SCFD2: variants seen among roughly 807,000 people sequenced by gnomAD.
SCFD2 encodes the protein sec1 family domain containing 2, also known as sec1 family domain-containing protein 2.
In SCFD2, 54 loss-of-function variants were observed where a neutral mutation model predicts 58.9. The observed-to-expected ratio is 0.92, with a 90% confidence interval of 0.74 to 1.15. The LOEUF (loss-of-function observed/expected upper bound fraction) is 1.15, where lower values mean the gene tolerates loss of function less well. SCFD2 is among the 50% of genes most tolerant of loss of function. SCFD2 has a pLI of 0.00. For missense variants in SCFD2, 805 were observed against 836.6 expected (o/e 0.96, Z 0.47); for synonymous variants, 321 against 335.9 (o/e 0.96, Z 0.49).
chr4:53,141,068 CCTAAAAGTATAATT>C (rs1242500039), intron 5 of SCFD2, among the ~76,000 whole-genome samples: 1 of 151,972 alleles, frequency 6.6e-6, no homozygotes, highest in Non-Finnish European at 1.5e-5. Flanking sequence ...ACATTGTAAT[CCTAAAAGTATAATT>C]CTGGAAAAAA....
chr4:53,046,481 T>C lies in SCFD2; in HGVS notation c.1561+98852A>G, dbSNP rs148078488. Among the ~76,000 whole-genome samples the C allele has an allele frequency of 2.1e-3, 325 of 152,154 alleles. 1 individual carries two copies. The highest frequency in any genetic ancestry group is 4.1e-3 in the Non-Finnish European group (282 of 67,982). On this transcript the variant is annotated intron_variant, in intron 5 of 8. Coordinates refer to ENST00000401642, the MANE Select transcript of SCFD2 (RefSeq NM_152540.4). Reference sequence around the variant, plus strand: ...CTATCTGCCTTGGCCTCCCAAAGTGTTGGAATTACAGGTGTGAGCCACTGC... The same window carrying C: ...CTATCTGCCTTGGCCTCCCAAAGTGCTGGAATTACAGGTGTGAGCCACTGC...
intron 4 of SCFD2, among the ~76,000 whole-genome samples, chr4:53,180,317 C>T (rs560250906): frequency 6.6e-6 from 1 of 152,244 alleles, no homozygotes; most frequent in East Asian, 1.9e-4. Flanking sequence ...GACCACAGTG[C>T]AATCAAACTA....
intron 8 of SCFD2, among the ~76,000 whole-genome samples, chr4:52,880,374 T>C (rs1180248741): frequency 1.3e-5 from 2 of 151,898 alleles, no homozygotes; most frequent in East Asian, 1.9e-4. Context: ...CCCAGCACTT[T>C]GGGAGGGCAA....
At chr4:53,193,208 T>C (rs1444486107) in intron 4 of SCFD2, among the ~76,000 whole-genome samples, 2 of 152,106 alleles carry the variant, frequency 1.3e-5, no homozygotes, top group Non-Finnish European at 1.5e-5. Context: ...AATTCATCTG[T>C]AAAGGAAACT....
At chr4:52,910,126 A>G (rs1027974767) in intron 6 of SCFD2, among the ~76,000 whole-genome samples, 1 of 152,284 alleles carries the variant, frequency 6.6e-6, no homozygotes, top group South Asian at 2.1e-4. Context: ...CTAAAAGACT[A>G]CATTCTCCAG....
At chr4:53,229,216 A>G (rs1483672497) in intron 4 of SCFD2, among the ~76,000 whole-genome samples, 1 of 152,228 alleles carries the variant, frequency 6.6e-6, no homozygotes, top group Non-Finnish European at 1.5e-5. Context: ...TACAGATTCA[A>G]TGCCATCCCC....
chr4:53,331,260 C>T (rs1323687112), intron 2 of SCFD2, among the ~76,000 whole-genome samples: 2 of 151,204 alleles, frequency 1.3e-5, no homozygotes, highest in African/African-American at 4.9e-5. Flanking sequence ...TAGACATCTA[C>T]AGAACTCTCC....
intron 2 of SCFD2, among the ~76,000 whole-genome samples, chr4:53,319,799 T>C (rs962166334): frequency 6.6e-6 from 1 of 152,216 alleles, no homozygotes; most frequent in East Asian, 1.9e-4. Context: ...CCCAAAGTGC[T>C]GGGATTACAG....
intron 5 of SCFD2, among the ~76,000 whole-genome samples, chr4:53,134,476 T>C (rs902140723): frequency 1.4e-4 from 21 of 152,090 alleles, no homozygotes; most frequent in African/African-American, 4.6e-4. Context: ...GAAGAAAAAA[T>C]TTAGAGAAGA....
intron 5 of SCFD2, among the ~76,000 whole-genome samples, chr4:53,101,293 G>A (rs1724826380): frequency 2.0e-5 from 3 of 152,064 alleles, no homozygotes; most frequent in Non-Finnish European, 4.4e-5. Context: ...GCTTCTCTCT[G>A]GTCCTGTTCC....
intron 2 of SCFD2, among the ~76,000 whole-genome samples, chr4:53,350,437 A>G (rs549792249): frequency 6.6e-6 from 1 of 152,162 alleles, no homozygotes. Flanking sequence ...TATTCCTAGA[A>G]CTATTTTGTC....
At chr4:53,273,167 G>A (rs6826467) in intron 4 of SCFD2, among the ~76,000 whole-genome samples, 17,330 of 152,010 alleles carry the variant, frequency 0.11, 1,110 homozygotes, top group East Asian at 0.22. Context: ...GAGTCTATGT[G>A]GAAAGTTTAC....
chr4:53,313,524 A>C, intron 3 of SCFD2, 112 bp downstream of exon 3: 1 of 1,234,724 alleles, frequency 8.1e-7, no homozygotes, highest in South Asian at 1.4e-5. Flanking sequence ...ACAGTATACA[A>C]AAGTCGTTAC....
At chr4:53,334,677 A>G (rs1335987672) in intron 2 of SCFD2, among the ~76,000 whole-genome samples, 1 of 151,958 alleles carries the variant, frequency 6.6e-6, no homozygotes, top group East Asian at 1.9e-4. Context: ...GGTGCAGCGC[A>G]CCAGCATGGC....
intron 8 of SCFD2, among the ~76,000 whole-genome samples, chr4:52,878,905 C>CTAAA (rs1718541509): frequency 6.6e-6 from 1 of 152,164 alleles, no homozygotes; most frequent in African/African-American, 2.4e-5. Context: ...TACATAGAAC[C>CTAAA]TAAACCTGGT....
chr4:52,887,352 G>A (rs530311221), intron 7 of SCFD2, among the ~76,000 whole-genome samples: 78 of 152,172 alleles, frequency 5.1e-4, no homozygotes, highest in Non-Finnish European at 9.7e-4. Flanking sequence ...TTTCATCAAC[G>A]AGGCAAAAAT....
intron 4 of SCFD2, among the ~76,000 whole-genome samples, chr4:53,266,352 C>T (rs1381836931): frequency 6.6e-6 from 1 of 152,090 alleles, no homozygotes; most frequent in East Asian, 1.9e-4. Context: ...TGTATTAATA[C>T]ACATATAGTC....
chr4:53,298,312 T>A (rs1347500886), intron 3 of SCFD2, among the ~76,000 whole-genome samples: 1 of 152,166 alleles, frequency 6.6e-6, no homozygotes, highest in African/African-American at 2.4e-5. Flanking sequence ...GGCACCTGGC[T>A]CAGAGGGTCC....
At chr4:52,939,772 A>C (rs139509693) in intron 5 of SCFD2, among the ~76,000 whole-genome samples, 1 of 152,340 alleles carries the variant, frequency 6.6e-6, no homozygotes. Flanking sequence ...GCTAGGAAAT[A>C]AATGAGGAAT....
Sources: allele counts gnomAD v4.1 joint callset (sites outside exome capture counted in the v4.1 genomes callset), GRCh38; gene constraint gnomAD v4.1.1; transcripts MANE v1.5; gene names NCBI Gene and HGNC (gene_info 2026-07-23, HGNC 2026-07-21).